The following FAM170A variants were observed in gnomAD, a reference collection of about 807,000 sequenced individuals.
FAM170A encodes the protein family with sequence similarity 170 member A.
A neutral mutation model predicts 36.6 loss-of-function variants in FAM170A; 28 were observed. The ratio of observed to expected loss-of-function variants is 0.76; its 90% CI spans 0.57 to 1.05. The LOEUF is 1.05. Among genes scored for constraint, FAM170A ranks in the 50% least tolerant of loss-of-function variants. FAM170A has a pLI of 0.00. For synonymous variants in FAM170A, 156 were observed against 143.9 expected (o/e 1.08, Z -0.60); for missense variants, 434 against 396.5 (o/e 1.09, Z -0.80).
chr5:119,629,951 G>T (rs1458931990), intron 1 of FAM170A, 113 bp downstream of exon 1: 7 of 738,616 alleles, frequency 9.5e-6, no homozygotes, highest in East Asian at 3.0e-5. Flanking sequence ...GAGTGCAGTG[G>T]CGCGATCTTG....
chr5:119,635,265 G>C (rs185332585), intron 4 of FAM170A, among the ~76,000 whole-genome samples, 179 bp downstream of exon 4: 2 of 152,326 alleles, frequency 1.3e-5, no homozygotes, highest in African/African-American at 4.8e-5. Context: ...AAGGTGAAGA[G>C]CATTGACTGG....
intron 1 of FAM170A, among the ~76,000 whole-genome samples, chr5:119,631,864 C>A (rs1756259213): frequency 6.6e-6 from 1 of 152,184 alleles, no homozygotes; most frequent in African/African-American, 2.4e-5. Flanking sequence ...GCCAGGCCTG[C>A]TTTGCATAGA....
intron 2 of FAM170A, among the ~76,000 whole-genome samples, chr5:119,633,738 C>A (rs1395126414): frequency 6.6e-6 from 1 of 152,062 alleles, no homozygotes; most frequent in Non-Finnish European, 1.5e-5. Context: ...CAGTCCTCAC[C>A]ACCATACTCC....
intron 2 of FAM170A, 29 bp from the exon 3 acceptor site, chr5:119,633,931 C>A (rs1306298528): frequency 6.9e-6 from 11 of 1,592,308 alleles, no homozygotes; most frequent in Middle Eastern, 1.7e-4. Flanking sequence ...GCCCATGCAT[C>A]TGCTCATGTT....
chr5:119,629,976 C>T, intron 1 of FAM170A, 138 bp downstream of exon 1: 1 of 598,880 alleles, frequency 1.7e-6, no homozygotes, highest in Non-Finnish European at 2.9e-6. Flanking sequence ...ACTGAAAGCT[C>T]TGCCTCTCGG....
At chr5:119,633,221 A>C (rs966087876) in intron 2 of FAM170A, among the ~76,000 whole-genome samples, 4 of 152,122 alleles carry the variant, frequency 2.6e-5, no homozygotes, top group Admixed American at 6.5e-5. Flanking sequence ...AGGGGGCAGG[A>C]GGCCCATAGA....
chr5:119,634,464 C>G, exon 3 of FAM170A: 2 of 1,614,196 alleles, frequency 1.2e-6, no homozygotes, highest in Non-Finnish European at 1.7e-6. Context: ...GTGTTCACCA[C>G]CATGGAAGCC....
chr5:119,629,683 T>A, exon 1 of FAM170A: 2 of 1,016,164 alleles, frequency 2.0e-6, no homozygotes, highest in Non-Finnish European at 3.0e-6. Context: ...TTTAATGAAT[T>A]TCCTGAGAGC....
exon 3 of FAM170A, chr5:119,634,641 A>C: frequency 6.2e-7 from 1 of 1,608,554 alleles, no homozygotes; most frequent in Non-Finnish European, 8.5e-7. Flanking sequence ...GAAGCAAAGG[A>C]GGAGGAGGGG....
chr5:119,629,717 A>G, exon 1 of FAM170A: 5 of 1,422,134 alleles, frequency 3.5e-6, no homozygotes, highest in South Asian at 1.2e-5. Flanking sequence ...TCTACAGGAA[A>G]AAGTGGGAGG....
intron 1 of FAM170A, among the ~76,000 whole-genome samples, chr5:119,630,404 C>T (rs1052641007): frequency 6.6e-6 from 1 of 150,604 alleles, no homozygotes; most frequent in African/African-American, 2.5e-5. Context: ...ATCTCCTGAC[C>T]TCATGATCCA....
In FAM170A at chr5:119,629,794, AT is replaced by A; in HGVS notation, c.29del (p.Leu10TrpfsTer110). On this transcript the variant is annotated frameshift_variant, in exon 1 of 5. Coordinates refer to ENST00000613773, the Ensembl canonical transcript of FAM170A. LOFTEE classifies it high-confidence loss of function. ...ATGAAACGACGACAAAAGAGGAAAC[AT>A]TTGGAAAATGAAGAGTCCCAGGAAA... 1 of 1,613,732 alleles carries A rather than the reference AT, an allele frequency of 6.2e-7. No homozygotes were observed. The highest frequency in any genetic ancestry group is 2.2e-5 in the East Asian group (1 of 44,860).
chr5:119,632,762 C>A (rs372951270), exon 2 of FAM170A: 2 of 1,602,630 alleles, frequency 1.2e-6, no homozygotes, highest in Admixed American at 1.7e-5. Flanking sequence ...GTCAAAGTCC[C>A]AAGAGGATGC....
rs775441770 is a variant in FAM170A at position 119,632,858 on chromosome 5, G to A, written c.181G>A (p.Val61Ile). ...TTCTACCTCCGAATACTGCTCCTGC[G>A]TTTCTTCTTCACGCAAGCTCATCCA... Residue 61 changes from valine (V) to isoleucine (I), a missense_variant, in exon 2 of 5, where the codon GTT (valine) becomes ATT (isoleucine). Coordinates refer to ENST00000613773, the Ensembl canonical transcript of FAM170A. The A allele has an allele frequency of 3.7e-5, 60 of 1,611,236 alleles. No individual in the cohort carries two copies. The highest frequency in any genetic ancestry group is 4.8e-5 in the Non-Finnish European group (56 of 1,178,040).
At chr5:119,634,027 A>T in exon 3 of FAM170A, 1 of 1,614,154 alleles carries the variant, frequency 6.2e-7, no homozygotes, top group Non-Finnish European at 8.5e-7. Flanking sequence ...AGGAACGAGG[A>T]GAGACTCCTC....
At chr5:119,629,670 C>A in exon 1 of FAM170A, 1 of 914,132 alleles carries the variant, frequency 1.1e-6, no homozygotes, top group Non-Finnish European at 1.7e-6. Context: ...CGTACTGAAT[C>A]TTTTTAATGA....
In FAM170A at chr5:119,629,766, A is replaced by G. The variant is rs778161695; in HGVS notation, c.-3A>G. On this transcript the variant is annotated 5_prime_UTR_variant, in exon 1 of 5. It adds an upstream start codon to the 5' untranslated region. Coordinates refer to ENST00000613773, the Ensembl canonical transcript of FAM170A. The stretch of plus-strand genomic sequence containing the variant: ...TCTTCTAGAAACTCTTCTAGCTGAT[A>G]TCATGAAACGACGACAAAAGAGGAA... 4.3e-6 allele frequency: 7 copies of G among 1,612,554 alleles called. No homozygotes were observed. In the East Asian group the frequency reaches 1.6e-4, roughly 36 times the overall value.
chr5:119,633,619 A>G (rs539156226), intron 2 of FAM170A, among the ~76,000 whole-genome samples: 45 of 152,186 alleles, frequency 3.0e-4, no homozygotes, highest in Non-Finnish European at 6.0e-4. Context: ...CATGACCTGC[A>G]GTGCCATTCT....
chr5:119,633,912 C>T, intron 2 of FAM170A, 48 bp from the exon 3 acceptor site: 1 of 1,568,346 alleles, frequency 6.4e-7, no homozygotes, highest in Non-Finnish European at 8.6e-7. Context: ...TCCCTCAGCT[C>T]CTAGCATGGC....
Sources: gnomAD v4.1 joint callset for allele counts (sites outside exome capture counted in the v4.1 genomes callset) on GRCh38, gnomAD v4.1.1 for gene constraint, MANE v1.5 for transcripts, NCBI Gene and HGNC (gene_info 2026-07-23, HGNC 2026-07-21) for gene names.